The following MAGI2 variants were observed in gnomAD, a reference collection of about 807,000 sequenced individuals.
MAGI2 encodes the protein membrane-associated guanylate kinase, WW and PDZ domain-containing protein 2.
A neutral mutation model predicts 133.3 loss-of-function variants in MAGI2; 35 were observed. That is an observed-to-expected ratio of 0.26 (90% confidence interval 0.20 to 0.35). MAGI2 has a LOEUF of 0.35. MAGI2 is among the 10% of genes least tolerant of loss of function. The pLI, the probability that MAGI2 is intolerant of heterozygous loss-of-function variation, is 1.00. For missense variants in MAGI2, 1,636 were observed against 1,863.4 expected (o/e 0.88, Z 2.25); for synonymous variants, 729 against 710.6 (o/e 1.03, Z -0.41).
intron 5 of MAGI2, among the ~76,000 whole-genome samples, chr7:78,496,629 A>T (rs1264042112): frequency 1.3e-5 from 2 of 152,178 alleles, no homozygotes; most frequent in African/African-American, 4.8e-5. Context: ...GTAGTATGAG[A>T]TAATGGGAAT....
At chr7:78,209,648 C>T (rs986776513) in intron 10 of MAGI2, among the ~76,000 whole-genome samples, 8 of 152,004 alleles carry the variant, frequency 5.3e-5, no homozygotes, top group Non-Finnish European at 1.0e-4. Flanking sequence ...TTTCAAATCT[C>T]CTTCTATTTA....
At chr7:78,529,911 TAATA>T (rs1365919175) in intron 3 of MAGI2, among the ~76,000 whole-genome samples, 2 of 151,814 alleles carry the variant, frequency 1.3e-5, no homozygotes, top group African/African-American at 2.4e-5. Flanking sequence ...CAAAATATTT[TAATA>T]ATTAATAAAA....
chr7:78,979,683 T>C (rs1804615107), intron 2 of MAGI2, among the ~76,000 whole-genome samples: 1 of 151,824 alleles, frequency 6.6e-6, no homozygotes, highest in Non-Finnish European at 1.5e-5. Flanking sequence ...GTGTGCAGTG[T>C]CCTTTGGGCT....
At chr7:78,578,303 G>A (rs1179513190) in intron 3 of MAGI2, among the ~76,000 whole-genome samples, 1 of 152,082 alleles carries the variant, frequency 6.6e-6, no homozygotes, top group Admixed American at 6.5e-5. Context: ...AGAGAGCTAT[G>A]AAGATGAAAA....
intron 1 of MAGI2, chr7:79,413,470 C>T (rs1355943580): frequency 6.6e-6 from 1 of 152,168 alleles, no homozygotes; most frequent in East Asian, 1.9e-4. Context: ...CCAAAACTAT[C>T]ACAGAAAACA....
In MAGI2 at chr7:78,019,900, G is replaced by T. The variant is rs758186841; in HGVS notation, c.3783C>A (p.Gly1261=). ...LPEVGVSLDD[G]LAPFSPSHPA... is the part of the protein sequence containing the mutation. ...GATGTGATGGAGAGAATGGAGCGAGGCCGTCGTCCAGGGAGACGCCTACTT... is the reference window on the plus strand; with the variant it reads ...GATGTGATGGAGAGAATGGAGCGAGTCCGTCGTCCAGGGAGACGCCTACTT... The change falls in exon 22 of 22, where the codon GGC becomes GGA. Residue 1261 remains glycine, a synonymous_variant. Coordinates refer to ENST00000354212, the MANE Select transcript of MAGI2 (RefSeq NM_012301.4). 5.6e-6 allele frequency: 9 copies of T among 1,611,116 alleles called. No individual in the cohort carries two copies. The East Asian group carries it at 2.0e-4, about 36-fold the overall frequency.
chr7:79,040,376 T>C (rs1811543694), intron 1 of MAGI2, among the ~76,000 whole-genome samples: 1 of 152,182 alleles, frequency 6.6e-6, no homozygotes, highest in Admixed American at 6.5e-5. Flanking sequence ...GACAGTTCTT[T>C]ATAGAAATAG....
intron 1 of MAGI2, among the ~76,000 whole-genome samples, chr7:79,287,678 AT>A (rs1340501291): frequency 5.9e-5 from 9 of 152,166 alleles, no homozygotes; most frequent in Admixed American, 1.3e-4. Flanking sequence ...CTTTGCTAGC[AT>A]TAAGGTGCCT....
rs192319637 is a variant in MAGI2 at position 78,516,066 on chromosome 7, A to G, written c.754+5364T>C. On this transcript the variant is annotated intron_variant, in intron 4 of 21. Coordinates refer to ENST00000354212, the MANE Select transcript of MAGI2 (RefSeq NM_012301.4). ...CAGAGATGATCAGTTTTTACTTTTC[A>G]TTGTGAAAAGTCAACAAGGGATTCC... 5.3e-5 allele frequency among the ~76,000 whole-genome samples: 8 copies of G among 152,328 alleles called. No homozygotes were observed. In the East Asian group the frequency reaches 1.5e-3, roughly 29 times the overall value.
intron 2 of MAGI2, among the ~76,000 whole-genome samples, chr7:78,884,594 G>GAAATACA (rs1160221498): frequency 6.6e-6 from 1 of 151,968 alleles, no homozygotes; most frequent in Non-Finnish European, 1.5e-5. Context: ...AATCATCAAA[G>GAAATACA]AAATACAAAT....
At chr7:79,245,754 C>A (rs193293296) in intron 1 of MAGI2, among the ~76,000 whole-genome samples, 1 of 152,312 alleles carries the variant, frequency 6.6e-6, no homozygotes, top group Admixed American at 6.5e-5. Flanking sequence ...TCACTATCTG[C>A]TGATTGTACA....
chr7:78,315,999 A>G (rs575927373), intron 9 of MAGI2, among the ~76,000 whole-genome samples: 1 of 152,228 alleles, frequency 6.6e-6, no homozygotes, highest in South Asian at 2.1e-4. Flanking sequence ...CATTTTCTCA[A>G]TCCATCGGGA....
chr7:78,883,406 A>G (rs982468463), intron 2 of MAGI2, among the ~76,000 whole-genome samples: 11 of 152,164 alleles, frequency 7.2e-5, no homozygotes, highest in African/African-American at 2.7e-4. Flanking sequence ...AAAACACACA[A>G]TGCTCATGGA....
intron 2 of MAGI2, among the ~76,000 whole-genome samples, chr7:78,650,997 A>C (rs899767319): frequency 1.3e-5 from 2 of 152,306 alleles, no homozygotes; most frequent in South Asian, 2.1e-4. Flanking sequence ...TCTTGTGAGT[A>C]GGCTTTTAGC....
intron 1 of MAGI2, among the ~76,000 whole-genome samples, chr7:79,356,299 A>G (rs1487289237): frequency 6.6e-6 from 1 of 151,654 alleles, no homozygotes; most frequent in Non-Finnish European, 1.5e-5. Context: ...AATTGCTAAT[A>G]AATAACATGC....
intron 4 of MAGI2, among the ~76,000 whole-genome samples, chr7:78,505,130 C>A (rs1467940894): frequency 6.6e-6 from 1 of 152,046 alleles, no homozygotes; most frequent in Non-Finnish European, 1.5e-5. Context: ...ATTTTTATAA[C>A]TTCAAAAGTT....
intron 2 of MAGI2, among the ~76,000 whole-genome samples, chr7:78,720,386 T>C (rs941607897): frequency 6.6e-6 from 1 of 152,094 alleles, no homozygotes; most frequent in African/African-American, 2.4e-5. Flanking sequence ...ATCTTATGGA[T>C]GAAGAAACTG....
intron 3 of MAGI2, among the ~76,000 whole-genome samples, chr7:78,532,473 T>C (rs1009836949): frequency 6.6e-6 from 1 of 152,212 alleles, no homozygotes; most frequent in Admixed American, 6.5e-5. Context: ...CATCCATCCC[T>C]GTTGGTGAAT....
chr7:79,168,612 C>T (rs1825177897), intron 1 of MAGI2, among the ~76,000 whole-genome samples: 1 of 151,996 alleles, frequency 6.6e-6, no homozygotes, highest in African/African-American at 2.4e-5. Flanking sequence ...TCCATGATGA[C>T]TTTGACCTGT....
Sources: gnomAD v4.1 joint callset for allele counts (sites outside exome capture counted in the v4.1 genomes callset) on GRCh38, gnomAD v4.1.1 for gene constraint, MANE v1.5 for transcripts, NCBI Gene and HGNC (gene_info 2026-07-23, HGNC 2026-07-21) for gene names.